NOC3L: variants seen among roughly 807,000 people sequenced by gnomAD.
NOC3L encodes the protein NOC3 like DNA replication regulator, also known as nucleolar complex protein 3 homolog.
A neutral mutation model predicts 102.5 loss-of-function variants in NOC3L; 85 were observed. That is an observed-to-expected ratio of 0.83 (90% CI 0.70 to 0.99). The LOEUF (loss-of-function observed/expected upper bound fraction) is 0.99. Ranked by LOEUF, NOC3L falls within the 50% of genes least tolerant of loss-of-function variation. The pLI, the probability that NOC3L is intolerant of heterozygous loss-of-function variation, is 0.00. For synonymous variants in NOC3L, 303 were observed against 309.4 expected (o/e 0.98, Z 0.22); for missense variants, 878 against 914.9 (o/e 0.96, Z 0.52).
At chr10:94,343,625 G>A (rs1432833902) in intron 13 of NOC3L, among the ~76,000 whole-genome samples, 1 of 152,030 alleles carries the variant, frequency 6.6e-6, no homozygotes, top group African/African-American at 2.4e-5. Flanking sequence ...CCCAACAATG[G>A]TAGCCACTAG....
chr10:94,357,075 G>T, intron 4 of NOC3L, 99 bp downstream of exon 4: 2 of 893,766 alleles, frequency 2.2e-6, no homozygotes, highest in South Asian at 2.6e-5. Context: ...TTCTAGATAT[G>T]GGTAAAATCA....
chr10:94,321,203 T>G, the NOC3L span, among the ~76,000 whole-genome samples: 1 of 152,276 alleles, frequency 6.6e-6, no homozygotes, highest in Non-Finnish European at 1.5e-5. Flanking sequence ...TAGCATTTCT[T>G]AAATGCTCAA....
chr10:94,350,138 G>A lies in NOC3L; in HGVS notation c.1103C>T (p.Pro368Leu). 3 of 1,614,122 alleles carry A rather than the reference G, an allele frequency of 1.9e-6. No individual in the cohort carries two copies. Among genetic ancestry groups the A allele is most frequent in the Non-Finnish European group, 2.5e-6 (3 of 1,180,018 alleles). The change falls in exon 9 of 21, where the codon CCT becomes CTT. Residue 368 changes from proline to leucine, a missense_variant. By Grantham distance (98) the Pro-to-Leu change is moderately conservative (BLOSUM62 -3). Transcript: ENST00000371361. ...FHNNIIVLIV[P>L]LMNDMSKLIS... ...CAATTTTGACATGTCATTCATGAGA[G>A]GGACAATCAATACGATGATGTTGTT...
chr10:94,330,412 G>C (rs1485018646), downstream of NOC3L: 11 of 152,262 alleles, frequency 7.2e-5, 1 homozygote, highest in Admixed American at 7.2e-4. Context: ...GGGCACAGTG[G>C]CTCATGCCTG....
chr10:94,347,973 GTCTTT>G (rs1179791833), intron 10 of NOC3L, among the ~76,000 whole-genome samples: 2 of 151,642 alleles, frequency 1.3e-5, no homozygotes, highest in East Asian at 1.9e-4. Context: ...GAATAGTCAT[GTCTTT>G]TATCAATTAT....
Position 94,334,678 on chromosome 10 carries a change from T to C in NOC3L, c.2230A>G (p.Met744Val). Residue 744 changes from methionine to valine, a missense_variant, in exon 20 of 21, where the codon ATG becomes GTG. Transcript: ENST00000371361. ...GATTCAACAGGAGGATTGAATGTCA[T>C]TTCTGCCATGCTATATGCCTCAAAA... The part of the protein sequence containing the change: ...ELFEAYSMAE[M>V]TFNPPVESSN... 6.2e-7 allele frequency: 1 copy of C among 1,613,394 alleles called. No homozygotes were observed. The highest frequency in any genetic ancestry group is 8.5e-7 in the Non-Finnish European group (1 of 1,179,812).
the NOC3L span, chr10:94,325,190 T>G: frequency 1.0e-6 from 1 of 988,798 alleles, no homozygotes; most frequent in Non-Finnish European, 1.6e-6. Flanking sequence ...ATGTCTTTTA[T>G]CTTTTCCAAC....
the NOC3L span, among the ~76,000 whole-genome samples, chr10:94,318,797 A>G: frequency 3.9e-5 from 6 of 152,236 alleles, no homozygotes; most frequent in Admixed American, 2.0e-4. Flanking sequence ...ACGGTGGCTC[A>G]CACCTGTAAT....
chr10:94,361,994 C>T, intron 1 of NOC3L, 122 bp from the exon 2 acceptor site: 1 of 803,916 alleles, frequency 1.2e-6, no homozygotes, highest in African/African-American at 1.7e-5. Context: ...CAGCCACAGA[C>T]TTGCATATAA....
At chr10:94,356,620 G>A in intron 4 of NOC3L, 29 bp from the exon 5 acceptor site, 1 of 1,285,022 alleles carries the variant, frequency 7.8e-7, no homozygotes, top group Non-Finnish European at 1.1e-6. Context: ...TATTAAAACT[G>A]TGATATATAC....
In NOC3L at chr10:94,362,815, T is replaced by G. The variant is rs778809880; in HGVS notation, c.9+15A>C. On this transcript the variant is annotated intron_variant, in intron 1 of 20. Transcript: ENST00000371361. ...GGCCCTAGGCCGCGGCGACCGGGCT[T>G]TTGAGGACACTTACCGCCTTCATCC... The G allele has an allele frequency of 1.9e-6, 3 of 1,614,018 alleles. No individual in the cohort carries two copies. The South Asian group carries it at 3.3e-5, about 18-fold the overall frequency.
chr10:94,316,581 C>G, the NOC3L span: 2 of 1,608,652 alleles, frequency 1.2e-6, no homozygotes, highest in African/African-American at 1.3e-5. Context: ...AAACCTGTTA[C>G]CACAGACTAT....
chr10:94,350,539 T>A (rs1401026190), intron 8 of NOC3L, among the ~76,000 whole-genome samples: 1 of 150,746 alleles, frequency 6.6e-6, no homozygotes, highest in Non-Finnish European at 1.5e-5. Context: ...TGAAACCCCA[T>A]CTCTACTAAC....
chr10:94,333,739 C>T lies in NOC3L; in HGVS notation c.*438G>A, dbSNP rs1382937908. 6.6e-6 allele frequency: 1 copy of T among 152,050 alleles called. No individual in the cohort carries two copies. The highest frequency in any genetic ancestry group is 1.9e-4 in the East Asian group (1 of 5,198). 9.4% of individuals were successfully genotyped at this position (152,050 alleles called of 1,614,324 possible). Reference sequence around the variant, plus strand: ...ATTTAGAATGCTTCTCATTTCCATCCACAGTATTGAAATAAAAATATTTAA... The same window carrying T: ...ATTTAGAATGCTTCTCATTTCCATCTACAGTATTGAAATAAAAATATTTAA... On this transcript the variant is annotated 3_prime_UTR_variant, in exon 21 of 21. Coordinates refer to ENST00000371361, the MANE Select transcript of NOC3L (RefSeq NM_022451.11).
chr10:94,315,747 G>A, the NOC3L span, among the ~76,000 whole-genome samples: 3 of 144,128 alleles, frequency 2.1e-5, no homozygotes. Context: ...TCCAGCCTGG[G>A]CGACAGAGGG....
At chr10:94,344,362 G>C in intron 13 of NOC3L, 53 bp downstream of exon 13, 1 of 1,191,440 alleles carries the variant, frequency 8.4e-7, no homozygotes. Flanking sequence ...AAAATTCTTT[G>C]GTCTTTCCTA....
the NOC3L span, chr10:94,324,584 T>C: frequency 1.9e-6 from 3 of 1,588,508 alleles, no homozygotes; most frequent in Middle Eastern, 1.7e-4. Flanking sequence ...TTTAAAGTTA[T>C]TTTGCTCTGT....
the NOC3L span, among the ~76,000 whole-genome samples, chr10:94,321,424 G>T: frequency 1.3e-5 from 2 of 152,174 alleles, no homozygotes; most frequent in East Asian, 3.9e-4. Flanking sequence ...ACAAGGTCAG[G>T]AGTTCAAGAC....
intron 18 of NOC3L, 55 bp downstream of exon 18, chr10:94,338,553 G>C (rs1232504435): frequency 1.4e-6 from 2 of 1,413,806 alleles, no homozygotes; most frequent in East Asian, 4.9e-5. Flanking sequence ...AGAAAAACTG[G>C]AAAACAATTA....
Sources: gnomAD v4.1 joint callset for allele counts (sites outside exome capture counted in the v4.1 genomes callset) on GRCh38, gnomAD v4.1.1 for gene constraint, MANE v1.5 for transcripts, NCBI Gene and HGNC (gene_info 2026-07-23, HGNC 2026-07-21) for gene names.